Variants in MYO16 observed in about 807,000 individuals in gnomAD.
The protein encoded by MYO16 is unconventional myosin-XVI.
MYO16 carries 94 observed loss-of-function variants against 205.3 expected under a neutral mutation model. That is an observed-to-expected ratio of 0.46 (90% CI 0.39 to 0.54). The LOEUF is 0.54. MYO16 is among the 20% of genes least tolerant of loss of function. MYO16 has a pLI of 0.00. For missense variants in MYO16, 2,315 were observed against 2,387.5 expected (o/e 0.97, Z 0.63); for synonymous variants, 988 against 954.0 (o/e 1.04, Z -0.66).
At chr13:109,179,701 A>C in intron 34 of MYO16, 68 bp downstream of exon 34, 1 of 1,263,750 alleles carries the variant, frequency 7.9e-7, no homozygotes, top group Non-Finnish European at 1.2e-6. Context: ...GCATTCATTA[A>C]CTTGTTACCA....
chr13:108,589,754 G>A, the MYO16 span, among the ~76,000 whole-genome samples: 2 of 152,014 alleles, frequency 1.3e-5, no homozygotes, highest in African/African-American at 2.4e-5. Flanking sequence ...TGAAAATTTA[G>A]AGACCATTAG....
At chr13:108,733,155 G>A (rs574330635) in intron 4 of MYO16, among the ~76,000 whole-genome samples, 1 of 152,076 alleles carries the variant, frequency 6.6e-6, no homozygotes, top group East Asian at 1.9e-4. Context: ...TGTGTAGAGG[G>A]GGCATCGTCT....
At chr13:108,655,590 C>G (rs985531333) in intron 1 of MYO16, among the ~76,000 whole-genome samples, 1 of 152,106 alleles carries the variant, frequency 6.6e-6, no homozygotes, top group Non-Finnish European at 1.5e-5. Flanking sequence ...ATCTTCCAGA[C>G]CCCAGAATGG....
chr13:109,100,901 A>G lies in MYO16; in HGVS notation c.3438+14A>G. The stretch of plus-strand genomic sequence containing the variant: ...CAAGGCTGGCAGGTTGGTGACCTAC[A>G]AGCTATGAAAATAACATTTTAGGAT... On this transcript the variant is annotated intron_variant, in intron 28 of 34. Transcript: ENST00000457511. 1 of 1,597,058 alleles carries G rather than the reference A, an allele frequency of 6.3e-7. No homozygotes were observed. The highest frequency in any genetic ancestry group is 8.6e-7 in the Non-Finnish European group (1 of 1,165,276).
intron 20 of MYO16, among the ~76,000 whole-genome samples, chr13:108,986,599 G>A (rs1884644118): frequency 1.4e-5 from 2 of 142,268 alleles, no homozygotes; most frequent in African/African-American, 5.3e-5. Flanking sequence ...TCCAGCCTGG[G>A]CAACAAGAGC....
the MYO16 span, among the ~76,000 whole-genome samples, chr13:108,537,883 G>T: frequency 2.6e-5 from 4 of 151,840 alleles, no homozygotes; most frequent in Non-Finnish European, 5.9e-5. Flanking sequence ...TTGTTGAGTT[G>T]TTTAAATTCT....
the MYO16 span, among the ~76,000 whole-genome samples, chr13:108,531,722 G>A: frequency 3.3e-5 from 5 of 151,836 alleles, no homozygotes; most frequent in African/African-American, 2.4e-5. Context: ...CACAGGGCCT[G>A]TAAATAAAAT....
At chr13:109,003,726 A>G (rs371273048) in intron 21 of MYO16, among the ~76,000 whole-genome samples, 20 of 152,224 alleles carry the variant, frequency 1.3e-4, no homozygotes, top group South Asian at 4.1e-4. Flanking sequence ...TTAGTACGAA[A>G]AAAACAATTA....
At chr13:108,763,589 C>T (rs981569789) in intron 4 of MYO16, among the ~76,000 whole-genome samples, 6 of 151,988 alleles carry the variant, frequency 3.9e-5, no homozygotes, top group African/African-American at 9.7e-5. Context: ...AGATGGAGGG[C>T]GAGTTTAAGA....
intron 2 of MYO16, among the ~76,000 whole-genome samples, chr13:108,681,463 G>A (rs1225171417): frequency 1.3e-5 from 2 of 152,140 alleles, no homozygotes; most frequent in Non-Finnish European, 2.9e-5. Context: ...TGTTTTCTGT[G>A]GCATATATGT....
At chr13:108,697,769 C>A (rs1883145235) in intron 2 of MYO16, among the ~76,000 whole-genome samples, 1 of 151,994 alleles carries the variant, frequency 6.6e-6, no homozygotes, top group Admixed American at 6.6e-5. Flanking sequence ...GTCACCCAGG[C>A]TGGAGTGCAG....
intron 13 of MYO16, chr13:108,886,553 A>G: frequency 4.4e-6 from 2 of 454,044 alleles, no homozygotes; most frequent in South Asian, 3.1e-5. Context: ...TCTCAGTTGA[A>G]TACCACCAGA....
the MYO16 span, among the ~76,000 whole-genome samples, chr13:108,500,584 C>T: frequency 3.9e-5 from 6 of 151,990 alleles, no homozygotes; most frequent in African/African-American, 9.7e-5. Context: ...CCTTTCCCTC[C>T]CCCACATCCC....
intron 27 of MYO16, among the ~76,000 whole-genome samples, chr13:109,087,266 G>A (rs930392984): frequency 1.3e-5 from 2 of 152,236 alleles, no homozygotes; most frequent in Non-Finnish European, 2.9e-5. Flanking sequence ...ATTCTGAACA[G>A]TAGATTCATA....
intron 13 of MYO16, among the ~76,000 whole-genome samples, chr13:108,886,796 ACTGT>A (rs1312862950): frequency 1.3e-5 from 2 of 151,788 alleles, no homozygotes; most frequent in African/African-American, 4.8e-5. Flanking sequence ...CCCTTCCCTG[ACTGT>A]CTGCCTGAAG....
the MYO16 span, among the ~76,000 whole-genome samples, chr13:108,527,656 T>C: frequency 1.3e-5 from 2 of 152,334 alleles, 1 homozygote; most frequent in South Asian, 4.1e-4. Flanking sequence ...TGTATACAGC[T>C]GCCTTTCTAA....
chr13:108,639,754 T>C (rs1880417726), intron 1 of MYO16, among the ~76,000 whole-genome samples: 1 of 152,176 alleles, frequency 6.6e-6, no homozygotes, highest in African/African-American at 2.4e-5. Flanking sequence ...AGGTGGCTCT[T>C]AGGATGACCC....
the MYO16 span, among the ~76,000 whole-genome samples, chr13:108,540,092 A>G: frequency 6.6e-6 from 1 of 152,132 alleles, no homozygotes; most frequent in Non-Finnish European, 1.5e-5. Flanking sequence ...TTTAGGGATG[A>G]TCAGCTTGAT....
At chr13:108,525,027 G>T in the MYO16 span, among the ~76,000 whole-genome samples, 1 of 151,844 alleles carries the variant, frequency 6.6e-6, no homozygotes, top group Non-Finnish European at 1.5e-5. Context: ...TAAAATAATA[G>T]TTCATATTCA....
Sources: gnomAD v4.1 joint callset for allele counts (sites outside exome capture counted in the v4.1 genomes callset) on GRCh38, gnomAD v4.1.1 for gene constraint, MANE v1.5 for transcripts, NCBI Gene and HGNC (gene_info 2026-07-23, HGNC 2026-07-21) for gene names.